The following GSE1 variants were observed in gnomAD, a reference collection of about 807,000 sequenced individuals.
GSE1 encodes genetic suppressor element 1.
Under a neutral mutation model 112.6 loss-of-function variants are expected in GSE1, and 32 were observed. That is an observed-to-expected ratio of 0.28 (90% confidence interval 0.21 to 0.38). GSE1 has a LOEUF of 0.38. GSE1 is among the 10% of genes least tolerant of loss of function. GSE1 has a pLI of 1.00. For missense variants in GSE1, 2,348 were observed against 1,699.2 expected (o/e 1.38, Z -6.71); for synonymous variants, 1,115 against 735.6 (o/e 1.52, Z -8.35).
intron 3 of GSE1, among the ~76,000 whole-genome samples, chr16:85,653,407 G>A (rs561091309): frequency 1.4e-5 from 2 of 146,954 alleles, no homozygotes; most frequent in East Asian, 4.1e-4. Flanking sequence ...GTGTGTGCGG[G>A]GCAGCCTCTG....
At position 85,455,949 on chromosome 16, in the gene GSE1, G is replaced by A. The variant is rs142564838; in HGVS notation, c.2464+98306G>A. ...CCCGCTTTGTGTGCCTTACAAATGCGAATAAACTCATAGCATCCTTATTTT... is the reference window on the plus strand; with the variant it reads ...CCCGCTTTGTGTGCCTTACAAATGCAAATAAACTCATAGCATCCTTATTTT... On this transcript the variant is annotated intron_variant, in intron 2 of 2. Coordinates refer to the GSE1 transcript ENST00000637419. Among the ~76,000 whole-genome samples the A allele has an allele frequency of 1.7e-3, 263 of 152,330 alleles. 1 individual carries two copies. Among genetic ancestry groups the A allele is most frequent in the African/African-American group, 5.8e-3 (242 of 41,572 alleles).
intron 2 of GSE1, among the ~76,000 whole-genome samples, chr16:85,521,294 A>G (rs1478895071): frequency 1.3e-5 from 2 of 152,168 alleles, no homozygotes; most frequent in Non-Finnish European, 2.9e-5. Flanking sequence ...CTGTGCCTGT[A>G]CTTAAACCTC....
intron 1 of GSE1, among the ~76,000 whole-genome samples, chr16:85,273,877 A>G (rs1313995430): frequency 1.4e-5 from 2 of 144,554 alleles, no homozygotes; most frequent in African/African-American, 5.4e-5. Context: ...TTTTTTTTTT[A>G]GTAGAGATGG....
At chr16:85,596,519 C>A (rs1284090745) in intron 1 of GSE1, among the ~76,000 whole-genome samples, 2 of 152,204 alleles carry the variant, frequency 1.3e-5, no homozygotes, top group Non-Finnish European at 2.9e-5. Flanking sequence ...CCTCACAGAC[C>A]AAATATCATA....
intron 1 of GSE1, among the ~76,000 whole-genome samples, chr16:85,201,040 C>T (rs201371387): frequency 1.3e-5 from 2 of 152,228 alleles, no homozygotes; most frequent in East Asian, 3.9e-4. Flanking sequence ...TTGTGTGGAT[C>T]TGTAACCCCT....
At chr16:85,332,290 C>A (rs1244838817) in intron 1 of GSE1, among the ~76,000 whole-genome samples, 1 of 152,180 alleles carries the variant, frequency 6.6e-6, no homozygotes, top group Non-Finnish European at 1.5e-5. Flanking sequence ...CCTTGGTCTC[C>A]CACTTACAGA....
At chr16:85,393,069 G>A (rs1206911674) in intron 2 of GSE1, among the ~76,000 whole-genome samples, 1 of 152,226 alleles carries the variant, frequency 6.6e-6, no homozygotes. Flanking sequence ...TGCAGGGCCT[G>A]CAGTCGTTGC....
In GSE1 at chr16:85,664,298, C is replaced by G. The variant is rs146009607; in HGVS notation, c.2644+684C>G. ...TCCTCGTGGGCCCCTGGCCTCCTCTCTGGGAGAAAGTCGAAGGAAAGCAGA... is the reference window on the plus strand; with the variant it reads ...TCCTCGTGGGCCCCTGGCCTCCTCTGTGGGAGAAAGTCGAAGGAAAGCAGA... On this transcript the variant is annotated intron_variant, in intron 11 of 15. Coordinates refer to ENST00000253458, the MANE Select transcript of GSE1 (RefSeq NM_014615.5). Among the ~76,000 whole-genome samples the G allele has an allele frequency of 9.6e-4, 146 of 152,338 alleles. 1 individual carries two copies. Among genetic ancestry groups the G allele is most frequent in the African/African-American group, 3.4e-3 (142 of 41,572 alleles).
At chr16:85,389,731 T>C (rs900495912) in intron 2 of GSE1, among the ~76,000 whole-genome samples, 38 of 152,256 alleles carry the variant, frequency 2.5e-4, no homozygotes, top group African/African-American at 8.4e-4. Context: ...AACAAATCAC[T>C]GAAGCCCTTC....
intron 1 of GSE1, among the ~76,000 whole-genome samples, chr16:85,194,818 G>C (rs557488153): frequency 2.8e-4 from 42 of 152,288 alleles, no homozygotes; most frequent in African/African-American, 9.9e-4. Context: ...GCCAAGGTTG[G>C]GGTGGACACA....
intron 1 of GSE1, among the ~76,000 whole-genome samples, chr16:85,271,031 C>A (rs1042203076): frequency 6.6e-6 from 1 of 152,208 alleles, no homozygotes; most frequent in Non-Finnish European, 1.5e-5. Context: ...AGGCCCTGTC[C>A]CCAAAAGGAT....
chr16:85,187,215 C>T (rs1327215754), intron 1 of GSE1, among the ~76,000 whole-genome samples: 1 of 152,224 alleles, frequency 6.6e-6, no homozygotes, highest in African/African-American at 2.4e-5. Flanking sequence ...GATGGGATCC[C>T]TTGTGACTGT....
At position 85,427,992 on chromosome 16, in the gene GSE1, C is replaced by T. The variant is rs535494554; in HGVS notation, c.2464+70349C>T. On this transcript the variant is annotated intron_variant, in intron 2 of 2. Transcript: ENST00000637419. ...GTGAATTTGAACCTAGAGCACATTA[C>T]AGTTGGACCCAGCCACATTTCAAGT... is the stretch of plus-strand genomic sequence containing the variant. 1.3e-3 allele frequency among the ~76,000 whole-genome samples: 194 copies of T among 152,318 alleles called. 1 individual carries two copies. Among genetic ancestry groups the T allele is most frequent in the African/African-American group, 4.6e-3 (192 of 41,558 alleles).
chr16:85,327,266 G>C, intron 1 of GSE1, among the ~76,000 whole-genome samples: 2 of 152,334 alleles, frequency 1.3e-5, no homozygotes, highest in African/African-American at 4.8e-5. Context: ...TGCAGACACA[G>C]AGCCCTCCTC....
chr16:85,341,812 T>G (rs566322724), intron 1 of GSE1, among the ~76,000 whole-genome samples: 1 of 152,154 alleles, frequency 6.6e-6, no homozygotes, highest in African/African-American at 2.4e-5. Flanking sequence ...TTATTTACAT[T>G]TTTTAATGTG....
At chr16:85,333,756 C>T (rs1245594649) in intron 1 of GSE1, among the ~76,000 whole-genome samples, 5 of 152,162 alleles carry the variant, frequency 3.3e-5, no homozygotes, top group African/African-American at 4.8e-5. Context: ...ATCTCACTTC[C>T]GGAGCACCCG....
chr16:85,220,480 G>T (rs2075371920), intron 1 of GSE1, among the ~76,000 whole-genome samples: 1 of 152,222 alleles, frequency 6.6e-6, no homozygotes, highest in Non-Finnish European at 1.5e-5. Context: ...GTTTGTTTAA[G>T]TTCAGCTCAG....
chr16:85,407,968 C>T (rs1281327039), intron 2 of GSE1, among the ~76,000 whole-genome samples: 1 of 59,318 alleles, frequency 1.7e-5, no homozygotes, highest in Admixed American at 1.4e-4. Flanking sequence ...ACTCAGGGTC[C>T]CTCTGATAAT....
chr16:85,538,129 G>C (rs1028411265), intron 2 of GSE1, among the ~76,000 whole-genome samples: 1 of 152,244 alleles, frequency 6.6e-6, no homozygotes, highest in Non-Finnish European at 1.5e-5. Flanking sequence ...GCCAGAAGGG[G>C]AGGGGAGAAG....
Sources: allele counts gnomAD v4.1 joint callset (sites outside exome capture counted in the v4.1 genomes callset), GRCh38; gene constraint gnomAD v4.1.1; transcripts MANE v1.5; gene names NCBI Gene and HGNC (gene_info 2026-07-23, HGNC 2026-07-21).